Variants in GGACT observed in about 807,000 individuals in gnomAD.
GGACT encodes the protein gamma-glutamylamine cyclotransferase.
For missense variants in GGACT, 241 were observed against 233.2 expected, an observed-to-expected ratio of 1.03 and a Z score of -0.22; for synonymous variants, 118 against 115.3, an observed-to-expected ratio of 1.02 and a Z score of -0.15.
intron 2 of GGACT, among the ~76,000 whole-genome samples, chr13:100,573,415 A>G (rs1201359429): frequency 1.3e-5 from 2 of 152,240 alleles, no homozygotes; most frequent in Non-Finnish European, 2.9e-5. Context: ...TTTAAACAAA[A>G]CAAAGACTTG....
In GGACT at chr13:100,534,199, G is replaced by A. The variant is rs1439232461; in HGVS notation, c.-10-1598C>T. Among the ~76,000 whole-genome samples the A allele has an allele frequency of 3.9e-5, 6 of 152,222 alleles. No individual in the cohort carries two copies. Among genetic ancestry groups the A allele is most frequent in the Admixed American group, 2.0e-4 (3 of 15,282 alleles). On this transcript the variant is annotated intron_variant, in intron 2 of 2. Coordinates refer to ENST00000683975, the MANE Select transcript of GGACT (RefSeq NM_001195087.2). This position sits in a 1 kb window ranked among gnomAD's most constrained non-coding sequence, Gnocchi z 4.9. ...TGCCTCTTGGTTCTATCACCAGCCT[G>A]TGCAACAACAGTATTCCCCAGATTT...
intron 2 of GGACT, among the ~76,000 whole-genome samples, chr13:100,559,537 G>A (rs2088739811): frequency 3.4e-5 from 5 of 148,988 alleles, no homozygotes; most frequent in Non-Finnish European, 7.4e-5. Context: ...CTCGGTCGCC[G>A]AGGCTGGGGT....
Position 100,530,484 on chromosome 13 carries a change from A to T in GGACT, c.*1646T>A, listed in dbSNP as rs1392905246. 2 of 445,620 alleles carry T rather than the reference A, an allele frequency of 4.5e-6. No individual in the cohort carries two copies. The highest frequency in any genetic ancestry group is 9.2e-5 in the East Asian group (2 of 21,632). 27.6% of individuals were successfully genotyped at this position (445,620 alleles called of 1,614,324 possible). On this transcript the variant is annotated 3_prime_UTR_variant, in exon 3 of 3. Transcript: ENST00000683975. Reference sequence around the variant, plus strand: ...TGAAGACAATGTACACATAGGCGACAGGCTCTGCCAGTAGACTACCAGCAT... The same window carrying T: ...TGAAGACAATGTACACATAGGCGACTGGCTCTGCCAGTAGACTACCAGCAT...
intron 2 of GGACT, 144 bp from the exon 3 acceptor site, chr13:100,532,745 C>T (rs1566527157): frequency 1.6e-6 from 1 of 632,428 alleles, no homozygotes; most frequent in Non-Finnish European, 2.8e-6. Context: ...GCGTTACTTA[C>T]CGACGCAGAT....
intron 2 of GGACT, among the ~76,000 whole-genome samples, chr13:100,547,085 A>G (rs1295689337): frequency 6.6e-6 from 1 of 152,170 alleles, no homozygotes; most frequent in Non-Finnish European, 1.5e-5. Flanking sequence ...AGGTTCAAAC[A>G]TAGCCCTGGG....
intron 2 of GGACT, among the ~76,000 whole-genome samples, chr13:100,565,449 T>C (rs2088802083): frequency 6.6e-6 from 1 of 152,204 alleles, no homozygotes. Flanking sequence ...CCCTGATATT[T>C]CACAACTTTA....
chr13:100,585,233 G>A (rs1238872566), intron 1 of GGACT, among the ~76,000 whole-genome samples: 1 of 152,236 alleles, frequency 6.6e-6, no homozygotes, highest in Non-Finnish European at 1.5e-5. Flanking sequence ...TCTAGACTTG[G>A]GTCGGCAAAC....
chr13:100,543,983 G>GCTCT (rs748263430), intron 2 of GGACT, among the ~76,000 whole-genome samples: 18 of 152,236 alleles, frequency 1.2e-4, no homozygotes, highest in Non-Finnish European at 2.2e-4. Flanking sequence ...ACCAACTGCT[G>GCTCT]CTCTAGTCCT....
chr13:100,544,929 A>C (rs1419616742), intron 2 of GGACT, among the ~76,000 whole-genome samples: 1 of 152,246 alleles, frequency 6.6e-6, no homozygotes, highest in Non-Finnish European at 1.5e-5. Flanking sequence ...AGAACCGGCC[A>C]GGGCCATGGC....
chr13:100,574,159 A>G (rs1210684531), intron 2 of GGACT, among the ~76,000 whole-genome samples: 5 of 152,360 alleles, frequency 3.3e-5, no homozygotes, highest in Admixed American at 3.3e-4. Flanking sequence ...AATGGATTGG[A>G]CAAAAAATGT....
intron 2 of GGACT, among the ~76,000 whole-genome samples, chr13:100,556,498 T>G (rs1009115725): frequency 3.9e-5 from 6 of 152,026 alleles, no homozygotes; most frequent in Non-Finnish European, 7.3e-5. Context: ...TGGAGAGATA[T>G]ACCATGTTTT....
intron 2 of GGACT, among the ~76,000 whole-genome samples, chr13:100,563,061 G>C (rs1215469562): frequency 6.6e-6 from 1 of 152,196 alleles, no homozygotes; most frequent in Non-Finnish European, 1.5e-5. Context: ...GCCGGCCCCT[G>C]ATCTTGGACT....
intron 2 of GGACT, among the ~76,000 whole-genome samples, chr13:100,576,684 A>G (rs1277713807): frequency 6.6e-6 from 1 of 152,220 alleles, no homozygotes; most frequent in Non-Finnish European, 1.5e-5. Context: ...ATATCATTTC[A>G]TTTACATGAC....
chr13:100,578,366 G>C (rs1289779172), intron 2 of GGACT, among the ~76,000 whole-genome samples: 1 of 152,224 alleles, frequency 6.6e-6, no homozygotes, highest in Non-Finnish European at 1.5e-5. Context: ...AGAATGTGTC[G>C]CATTTGCGTA....
chr13:100,530,421 G>T lies in GGACT; in HGVS notation c.*1709C>A. ...GTGTCAAAATTAAATCAATAAAACTGAGCATTTGTCTAAATATTAGTTTGC... is the reference window on the plus strand; with the variant it reads ...GTGTCAAAATTAAATCAATAAAACTTAGCATTTGTCTAAATATTAGTTTGC... On this transcript the variant is annotated 3_prime_UTR_variant, in exon 3 of 3. Coordinates refer to ENST00000683975, the MANE Select transcript of GGACT (RefSeq NM_001195087.2). The T allele has an allele frequency of 1.7e-6, 1 of 574,306 alleles. No individual in the cohort carries two copies. Among genetic ancestry groups the T allele is most frequent in the Non-Finnish European group, 3.1e-6 (1 of 320,894 alleles). The allele number at this position is 574,306 out of a possible 1,614,324, so 35.6% of individuals were successfully genotyped here. A position where few individuals can be genotyped will look rare whatever the true frequency, so the allele number is the denominator to read the frequency against.
Position 100,539,689 on chromosome 13 carries a change from G to A in GGACT, c.-10-7088C>T. The stretch of plus-strand genomic sequence containing the variant: ...CTTTCTTGGAGTGTCTTTGGCCTTA[G>A]TATCAGGGTGATGCTCAACACTGAA... On this transcript the variant is annotated intron_variant, in intron 2 of 2. Transcript: ENST00000683975. The A allele has an allele frequency of 6.8e-6, 4 of 585,132 alleles. No individual in the cohort carries two copies. The South Asian group carries it at 9.0e-5, about 13-fold the overall frequency. 36.2% of individuals were successfully genotyped at this position (585,132 alleles called of 1,614,324 possible).
chr13:100,552,299 A>C (rs1209639227), intron 2 of GGACT, among the ~76,000 whole-genome samples: 3 of 152,200 alleles, frequency 2.0e-5, no homozygotes, highest in African/African-American at 7.2e-5. Flanking sequence ...CATCCCACAC[A>C]TGGGAAACTG....
At chr13:100,547,305 G>C (rs567782149) in intron 2 of GGACT, among the ~76,000 whole-genome samples, 72 of 152,326 alleles carry the variant, frequency 4.7e-4, no homozygotes, top group African/African-American at 1.6e-3. Flanking sequence ...CAGACCAGAG[G>C]GGGTGGGGTA....
At chr13:100,556,387 A>T (rs180860801) in intron 2 of GGACT, among the ~76,000 whole-genome samples, 1 of 152,354 alleles carries the variant, frequency 6.6e-6, no homozygotes, top group East Asian at 1.9e-4. Context: ...TCACCAAAAA[A>T]TCTGAAATAC....
Sources: allele counts gnomAD v4.1 joint callset (sites outside exome capture counted in the v4.1 genomes callset), GRCh38; gene constraint gnomAD v4.1.1; non-coding constraint Gnocchi (gnomAD v3.1); transcripts MANE v1.5; gene names NCBI Gene and HGNC (gene_info 2026-07-23, HGNC 2026-07-21).